Variants in TPX2 observed in about 807,000 individuals in gnomAD.
TPX2 encodes TPX2 microtubule nucleation factor, also known as targeting protein for Xklp2.
In TPX2, 21 loss-of-function variants were observed where a neutral mutation model predicts 93.6. That is an observed-to-expected ratio of 0.22 (90% CI 0.16 to 0.32). The LOEUF (loss-of-function observed/expected upper bound fraction) is 0.32, where lower values mean the gene tolerates loss of function less well. Among genes scored for constraint, TPX2 ranks in the 10% least tolerant of loss-of-function variants. The probability of loss-of-function intolerance (pLI) is 1.00; values close to 1 mark genes in which losing one functional copy is unlikely to be tolerated. For missense variants in TPX2, 776 were observed against 871.1 expected (o/e 0.89, Z 1.37); for synonymous variants, 281 against 298.3 (o/e 0.94, Z 0.60).
chr20:31,776,883 T>C (rs1568593526), intron 8 of TPX2, among the ~76,000 whole-genome samples: 1 of 152,172 alleles, frequency 6.6e-6, no homozygotes, highest in Non-Finnish European at 1.5e-5. Flanking sequence ...GGAACTTGGA[T>C]TGAGACAGAA....
rs191452601 is a variant in TPX2 at position 31,782,161 on chromosome 20, C to T, written c.1055-88C>T. On this transcript the variant is annotated intron_variant, in intron 10 of 17. Transcript: ENST00000300403. ...GCCCACCACTCTGTGGTTGGTTTATCCCTCTCTGGGCTACATAGGTGAATC... is the reference window on the plus strand; with the variant it reads ...GCCCACCACTCTGTGGTTGGTTTATTCCTCTCTGGGCTACATAGGTGAATC... 1.7e-5 allele frequency: 25 copies of T among 1,494,604 alleles called. No homozygotes were observed. The East Asian group carries it at 5.7e-4, about 34-fold the overall frequency. 92.6% of individuals were successfully genotyped at this position (1,494,604 alleles called of 1,614,324 possible). A position where few individuals can be genotyped will look rare whatever the true frequency, so the allele number is the denominator to read the frequency against.
chr20:31,789,213 T>G (rs751911652), intron 12 of TPX2, among the ~76,000 whole-genome samples: 1 of 152,206 alleles, frequency 6.6e-6, no homozygotes, highest in Non-Finnish European at 1.5e-5. Flanking sequence ...TAAATCTTCA[T>G]TGTCTCTTTC....
At position 31,775,820 on chromosome 20, in the gene TPX2, G is replaced by A. The variant is rs772153204; in HGVS notation, c.609-47G>A. The A allele has an allele frequency of 2.1e-6, 3 of 1,425,474 alleles. No individual in the cohort carries two copies. The African/African-American group carries it at 4.3e-5, about 21-fold the overall frequency. 88.3% of individuals were successfully genotyped at this position (1,425,474 alleles called of 1,614,324 possible). ...CCTGTAGATTCTTTTGAGTCACTGG[G>A]TGCCTTTCTCCTCTCCTCTCTTCTC... On this transcript the variant is annotated intron_variant, in intron 7 of 17. Coordinates refer to ENST00000300403, the MANE Select transcript of TPX2 (RefSeq NM_012112.5).
intron 5 of TPX2, among the ~76,000 whole-genome samples, chr20:31,768,121 A>G (rs988001361): frequency 6.6e-6 from 1 of 151,400 alleles, no homozygotes; most frequent in African/African-American, 2.4e-5. Context: ...TTTTGTAGAG[A>G]TAGTGTCTTT....
chr20:31,747,468 A>G (rs1472020280), intron 2 of TPX2, among the ~76,000 whole-genome samples: 3 of 152,006 alleles, frequency 2.0e-5, no homozygotes, highest in African/African-American at 4.8e-5. Flanking sequence ...CTGTCTATCT[A>G]TCTATCTATC....
In TPX2 at chr20:31,797,505, A is replaced by G. The variant is rs758339013; in HGVS notation, c.1935A>G (p.Lys645=). 6 of 1,613,936 alleles carry G rather than the reference A, an allele frequency of 3.7e-6. No individual in the cohort carries two copies. The highest frequency in any genetic ancestry group is 5.1e-6 in the Non-Finnish European group (6 of 1,179,864). ...QEPFVPKKEK[K]SVAEGLSGSL... is the part of the protein sequence containing the mutation. ...CCTTTGTTCCCAAGAAAGAGAAGAA[A>G]TCAGTTGCTGGTAGTATTATATGTA... Residue 645 remains lysine (K), a synonymous_variant, in exon 16 of 18, where the codon AAA becomes AAG. Transcript: ENST00000300403.
intron 12 of TPX2, 92 bp downstream of exon 12, chr20:31,784,013 C>T (rs1184002183): frequency 7.3e-7 from 1 of 1,362,866 alleles, no homozygotes; most frequent in African/African-American, 1.5e-5. Context: ...ATATTATGAG[C>T]AGGGCATCAT....
intron 11 of TPX2, among the ~76,000 whole-genome samples, 178 bp from the exon 12 acceptor site, chr20:31,783,527 G>A (rs2062047383): frequency 1.3e-5 from 2 of 151,990 alleles, no homozygotes; most frequent in Admixed American, 1.3e-4. Flanking sequence ...CTGGGATTAC[G>A]GGCATGAGCC....
Position 31,741,196 on chromosome 20 carries a change from G to C in TPX2, c.-177-1345G>C, listed in dbSNP as rs187435083. Among the ~76,000 whole-genome samples, 213 of 152,160 alleles carry C rather than the reference G, an allele frequency of 1.4e-3. 3 individuals carry two copies. The highest frequency in any genetic ancestry group is 8.3e-3 in the East Asian group (43 of 5,174). Reference sequence around the variant, plus strand: ...CTGTGTCTCTTCCCTAATTCTCTTTGAGTTCCTGGGAGAAAGAGGAGGGAT... The same window carrying C: ...CTGTGTCTCTTCCCTAATTCTCTTTCAGTTCCTGGGAGAAAGAGGAGGGAT... On this transcript the variant is annotated intron_variant, in intron 1 of 17. Coordinates refer to ENST00000300403, the MANE Select transcript of TPX2 (RefSeq NM_012112.5).
Position 31,798,444 on chromosome 20 carries a change from G to A in TPX2, c.2025G>A (p.Glu675=). 4 of 1,614,072 alleles carry A rather than the reference G, an allele frequency of 2.5e-6. No individual in the cohort carries two copies. Among genetic ancestry groups the A allele is most frequent in the Non-Finnish European group, 3.4e-6 (4 of 1,180,052 alleles). ...GAGCCAAAGAGCGGCAGGAGCTGGA[G>A]AAGAGAATGGCTGAGGTAGAAGCCC... is the stretch of plus-strand genomic sequence containing the variant. ...EKRAKERQEL[E]KRMAEVEAQK... Residue 675 remains glutamate, a synonymous_variant, in exon 17 of 18, where the codon GAG becomes GAA. Transcript: ENST00000300403.
At position 31,782,356 on chromosome 20, in the gene TPX2, G is replaced by C. The variant is rs1376234204; in HGVS notation, c.1162G>C (p.Glu388Gln). Reference sequence around the variant, plus strand: ...GGCTGTGACCTGCAAAAGTACAGCAGAGCTGGAGGCTGAGGAGCTCGAGAA... The same window carrying C: ...GGCTGTGACCTGCAAAAGTACAGCACAGCTGGAGGCTGAGGAGCTCGAGAA... ...ARAVTCKSTA[E>Q]LEAEELEKLQ... The change falls in exon 11 of 18, where the codon GAG (glutamate) becomes CAG (glutamine). Residue 388 changes from glutamate to glutamine, a missense_variant. Transcript: ENST00000300403. 1 of 1,613,286 alleles carries C rather than the reference G, an allele frequency of 6.2e-7. No homozygotes were observed. The highest frequency in any genetic ancestry group is 1.1e-5 in the South Asian group (1 of 90,826).
chr20:31,790,325 G>C (rs1179423908), intron 12 of TPX2, among the ~76,000 whole-genome samples: 1 of 152,162 alleles, frequency 6.6e-6, no homozygotes, highest in African/African-American at 2.4e-5. Flanking sequence ...CCCTTCCAAT[G>C]ATTGTGATAC....
intron 8 of TPX2, 77 bp from the exon 9 acceptor site, chr20:31,777,410 A>G: frequency 6.6e-7 from 1 of 1,511,254 alleles, no homozygotes; most frequent in Non-Finnish European, 8.9e-7. Context: ...AAATAGCAAA[A>G]GGACTGGAGT....
At chr20:31,761,368 A>AT (rs2061889714) in intron 4 of TPX2, among the ~76,000 whole-genome samples, 1 of 151,774 alleles carries the variant, frequency 6.6e-6, no homozygotes, top group Non-Finnish European at 1.5e-5. Flanking sequence ...TGCCCGGCTA[A>AT]TTTTTGTATT....
At chr20:31,777,668 G>C (rs2062009740) in intron 9 of TPX2, 30 bp downstream of exon 9, 6 of 1,601,980 alleles carry the variant, frequency 3.7e-6, no homozygotes, top group Non-Finnish European at 4.3e-6. Context: ...GAACATTTCT[G>C]TTACTAATAT....
intron 10 of TPX2, among the ~76,000 whole-genome samples, chr20:31,780,589 G>T (rs1052681471): frequency 6.6e-6 from 1 of 152,128 alleles, no homozygotes; most frequent in Non-Finnish European, 1.5e-5. Flanking sequence ...ACTTTGTACA[G>T]TTACAGCTAA....
intron 2 of TPX2, among the ~76,000 whole-genome samples, chr20:31,745,442 G>A (rs2061778187): frequency 1.3e-5 from 2 of 150,602 alleles, no homozygotes; most frequent in African/African-American, 4.9e-5. Flanking sequence ...TGATTCTCCT[G>A]CCTCAGCCTC....
At chr20:31,791,406 CCCGAGT>C (rs1408592222) in intron 12 of TPX2, among the ~76,000 whole-genome samples, 1 of 152,154 alleles carries the variant, frequency 6.6e-6, no homozygotes, top group Non-Finnish European at 1.5e-5. Flanking sequence ...GCCTCAGCCT[CCCGAGT>C]AGCTGGGACT....
intron 12 of TPX2, among the ~76,000 whole-genome samples, chr20:31,784,194 AG>A (rs1294306458): frequency 1.3e-5 from 2 of 152,240 alleles, no homozygotes; most frequent in Non-Finnish European, 2.9e-5. Context: ...GGTTTCTTCC[AG>A]ATAGAAAGTT....
Sources: allele counts gnomAD v4.1 joint callset (sites outside exome capture counted in the v4.1 genomes callset), GRCh38; gene constraint gnomAD v4.1.1; transcripts MANE v1.5; gene names NCBI Gene and HGNC (gene_info 2026-07-23, HGNC 2026-07-21).